SLC39A9: variants seen among roughly 807,000 people sequenced by gnomAD.
The protein encoded by SLC39A9 is zinc transporter ZIP9.
SLC39A9 carries 14 observed loss-of-function variants against 28.4 expected under a neutral mutation model. The observed-to-expected ratio is 0.49, with a 90% CI of 0.33 to 0.77. The LOEUF is 0.77. Among genes scored for constraint, SLC39A9 ranks in the 30% least tolerant of loss-of-function variants. The pLI is 0.02. For missense variants in SLC39A9, 283 were observed against 381.1 expected, an observed-to-expected ratio of 0.74 and a Z score of 2.14; for synonymous variants, 119 against 149.6, an observed-to-expected ratio of 0.80 and a Z score of 1.49.
At chr14:69,447,273 T>C (rs1441852461) in intron 3 of SLC39A9, among the ~76,000 whole-genome samples, 1 of 152,126 alleles carries the variant, frequency 6.6e-6, no homozygotes, top group East Asian at 1.9e-4. Context: ...TACAGGTAAC[T>C]AAAAATGCTG....
chr14:69,401,535 A>G (rs1458032961), intron 1 of SLC39A9, among the ~76,000 whole-genome samples: 1 of 152,236 alleles, frequency 6.6e-6, no homozygotes, highest in East Asian at 1.9e-4. Flanking sequence ...TTTCTATAAA[A>G]TGCCTTTAAC....
At position 69,460,842 on chromosome 14, in the gene SLC39A9, C is replaced by G. The variant is rs979518936; in HGVS notation, c.*2249C>G. On this transcript the variant is annotated 3_prime_UTR_variant, in exon 7 of 7. Coordinates refer to ENST00000336643, the MANE Select transcript of SLC39A9 (RefSeq NM_018375.5). ...TTTAAAGCTGCTGCCTCGAGAACTA[C>G]TCATTTCTCTCCTGGTCAGCAGACA... The G allele has an allele frequency of 2.2e-5, 22 of 985,314 alleles. No homozygotes were observed. Among genetic ancestry groups the G allele is most frequent in the Non-Finnish European group, 2.7e-5 (22 of 829,954 alleles). The allele number at this position is 985,314 out of a possible 1,614,324, so 61.0% of individuals were successfully genotyped here.
At chr14:69,437,128 A>G (rs777144506) in intron 2 of SLC39A9, among the ~76,000 whole-genome samples, 1 of 152,056 alleles carries the variant, frequency 6.6e-6, no homozygotes, top group Non-Finnish European at 1.5e-5. Flanking sequence ...CGGCCTCCCA[A>G]AGTGCTGGGA....
intron 1 of SLC39A9, among the ~76,000 whole-genome samples, chr14:69,418,983 G>GT (rs1235917352): frequency 1.3e-5 from 2 of 152,068 alleles, no homozygotes; most frequent in Non-Finnish European, 2.9e-5. Context: ...TTTTTGAAGG[G>GT]TTTTTTGCAT....
intron 1 of SLC39A9, among the ~76,000 whole-genome samples, chr14:69,404,319 AT>A (rs1285327692): frequency 6.6e-6 from 1 of 152,224 alleles, no homozygotes; most frequent in African/African-American, 2.4e-5. Flanking sequence ...TAATGCACTG[AT>A]TTCAAAAGGG....
chr14:69,443,741 G>C (rs1365069718), intron 3 of SLC39A9, among the ~76,000 whole-genome samples: 1 of 152,080 alleles, frequency 6.6e-6, no homozygotes, highest in Non-Finnish European at 1.5e-5. Flanking sequence ...ATAGTGGTAC[G>C]CACCTGGAGT....
intron 3 of SLC39A9, among the ~76,000 whole-genome samples, chr14:69,451,683 G>C (rs1280933608): frequency 6.6e-6 from 1 of 152,162 alleles, no homozygotes; most frequent in Non-Finnish European, 1.5e-5. Context: ...GGCAAGGGGA[G>C]AGTTGCTTTG....
chr14:69,461,952 A>G lies in SLC39A9; in HGVS notation c.*3359A>G. ...CCTTCCATTAGAAAATTTCTGCTCA[A>G]TACAGAATGGTCCACATCACCCAAA... is the stretch of plus-strand genomic sequence containing the variant. On this transcript the variant is annotated 3_prime_UTR_variant, in exon 7 of 7. Coordinates refer to ENST00000336643, the MANE Select transcript of SLC39A9 (RefSeq NM_018375.5). 1 of 481,634 alleles carries G rather than the reference A, an allele frequency of 2.1e-6. No homozygotes were observed. Among genetic ancestry groups the G allele is most frequent in the South Asian group, 4.2e-5 (1 of 23,922 alleles). The allele number at this position is 481,634 out of a possible 1,614,324, so 29.8% of individuals were successfully genotyped here. A position where few individuals can be genotyped will look rare whatever the true frequency, so the allele number is the denominator to read the frequency against.
In SLC39A9 at chr14:69,461,827, C is replaced by T. The variant is rs1005172766; in HGVS notation, c.*3234C>T. ...CAAAGGATGTTCCTGCCTTGTGGGC[C>T]CCTGAGCCCCTTGGGAGACTGAGAA... On this transcript the variant is annotated 3_prime_UTR_variant, in exon 7 of 7. Transcript: ENST00000336643. 1.1e-5 allele frequency: 15 copies of T among 1,338,730 alleles called. No homozygotes were observed. The African/African-American group carries it at 1.6e-4, about 14-fold the overall frequency. 82.9% of individuals were successfully genotyped at this position (1,338,730 alleles called of 1,614,324 possible).
chr14:69,401,684 A>T lies in SLC39A9; in HGVS notation c.96+2219A>T, dbSNP rs377188138. On this transcript the variant is annotated intron_variant, in intron 1 of 6. Transcript: ENST00000336643. Reference sequence around the variant, plus strand: ...TGGGTCATTAATACAGATAATTAGTATGTCATGTCATTTGTGGCTTTCTTA... The same window carrying T: ...TGGGTCATTAATACAGATAATTAGTTTGTCATGTCATTTGTGGCTTTCTTA... Among the ~76,000 whole-genome samples, 6 of 152,170 alleles carry T rather than the reference A, an allele frequency of 3.9e-5. No individual in the cohort carries two copies. The East Asian group carries it at 1.2e-3, about 29-fold the overall frequency.
At chr14:69,453,940 C>T (rs1885736495) in intron 4 of SLC39A9, among the ~76,000 whole-genome samples, 1 of 152,192 alleles carries the variant, frequency 6.6e-6, no homozygotes, top group South Asian at 2.1e-4. Flanking sequence ...TCATTCTTGG[C>T]TCTAGAATGT....
chr14:69,429,848 C>T (rs951073373), intron 2 of SLC39A9, among the ~76,000 whole-genome samples: 1 of 152,136 alleles, frequency 6.6e-6, no homozygotes, highest in East Asian at 1.9e-4. Flanking sequence ...TCCAGTTCTC[C>T]CCTTCCTTGT....
chr14:69,400,461 A>C (rs1882571309), intron 1 of SLC39A9, among the ~76,000 whole-genome samples: 1 of 152,248 alleles, frequency 6.6e-6, no homozygotes. Context: ...CACGAAGTGC[A>C]CAGCGTTCAA....
intron 2 of SLC39A9, among the ~76,000 whole-genome samples, chr14:69,436,123 C>G (rs921902160): frequency 1.3e-5 from 2 of 152,008 alleles, no homozygotes; most frequent in African/African-American, 2.4e-5. Flanking sequence ...ACCTTTCGGC[C>G]AGGCGCAGTG....
intron 1 of SLC39A9, among the ~76,000 whole-genome samples, chr14:69,408,968 C>T (rs1310872969): frequency 6.6e-6 from 1 of 152,158 alleles, no homozygotes; most frequent in Non-Finnish European, 1.5e-5. Context: ...ATGTCAGGTT[C>T]TACGTTGATT....
chr14:69,399,271 T>C lies in SLC39A9; in HGVS notation c.-99T>C. 1 of 1,042,240 alleles carries C rather than the reference T, an allele frequency of 9.6e-7. No homozygotes were observed. The highest frequency in any genetic ancestry group is 2.2e-5 in the Admixed American group (1 of 45,458). The allele number at this position is 1,042,240 out of a possible 1,614,324, so 64.6% of individuals were successfully genotyped here. ...AGGCCTAAAGAACTGGAAAGCCCAC[T>C]CTCTTGGAACCACCACACCTGTTTA... is the stretch of plus-strand genomic sequence containing the variant. On this transcript the variant is annotated 5_prime_UTR_variant, in exon 1 of 7. Transcript: ENST00000336643.
At chr14:69,439,567 A>G (rs770800455) in intron 2 of SLC39A9, among the ~76,000 whole-genome samples, 6 of 152,134 alleles carry the variant, frequency 3.9e-5, no homozygotes, top group Non-Finnish European at 5.9e-5. Flanking sequence ...TCATAATTCC[A>G]GTGGCATTTG....
At chr14:69,442,955 A>G (rs1885116946) in intron 3 of SLC39A9, among the ~76,000 whole-genome samples, 1 of 152,194 alleles carries the variant, frequency 6.6e-6, no homozygotes. Flanking sequence ...AAATGTACCT[A>G]AACACATTTG....
chr14:69,453,156 A>G, intron 3 of SLC39A9, 85 bp from the exon 4 acceptor site: 3 of 1,154,196 alleles, frequency 2.6e-6, no homozygotes, highest in Non-Finnish European at 3.9e-6. Context: ...GGCCAACATT[A>G]GTGAAATTCT....
Sources: allele counts gnomAD v4.1 joint callset (sites outside exome capture counted in the v4.1 genomes callset), GRCh38; gene constraint gnomAD v4.1.1; transcripts MANE v1.5; gene names NCBI Gene and HGNC (gene_info 2026-07-23, HGNC 2026-07-21).